Variants in METTL15 observed in about 807,000 individuals in gnomAD.
METTL15 encodes methyltransferase 15, mitochondrial 12S rRNA N4-cytidine, also known as 12S rRNA N(4)-cytidine methyltransferase METTL15.
METTL15 carries 34 observed loss-of-function variants against 38.3 expected under a neutral mutation model. That is an observed-to-expected ratio of 0.89 (90% CI 0.68 to 1.18). METTL15 has a LOEUF of 1.18. Ranked by LOEUF, METTL15 falls within the 50% of genes most tolerant of loss-of-function variation. METTL15 has a pLI of 0.00. For synonymous variants in METTL15, 162 were observed against 170.9 expected, an observed-to-expected ratio of 0.95 and a Z score of 0.41; for missense variants, 438 against 498.4, an observed-to-expected ratio of 0.88 and a Z score of 1.15.
At chr11:28,294,674 T>C (rs1486394040) in intron 5 of METTL15, among the ~76,000 whole-genome samples, 1 of 152,110 alleles carries the variant, frequency 6.6e-6, no homozygotes, top group Non-Finnish European at 1.5e-5. Flanking sequence ...CAAGATCAAA[T>C]CTATTAGTTG....
chr11:28,376,072 G>T (rs563599104), intron 5 of METTL15, among the ~76,000 whole-genome samples: 2,199 of 152,176 alleles, frequency 0.014, 32 homozygotes, highest in African/African-American at 0.04. Flanking sequence ...TTGCTGAGGA[G>T]TGCTTTACTT....
rs1312144051 is a variant in METTL15, at chr11:28,373,369, T to C, written c.*358+11333T>C. On this transcript the variant is annotated intron_variant and NMD_transcript_variant, in intron 5 of 7. Transcript: ENST00000532947. ...TTTTGATTTGCATTTCTCTGATGGCTAGTGATGGTGAGCATTTTTTCATGT... is the reference window on the plus strand; with the variant it reads ...TTTTGATTTGCATTTCTCTGATGGCCAGTGATGGTGAGCATTTTTTCATGT... 1.2e-3 allele frequency among the ~76,000 whole-genome samples: 177 copies of C among 152,046 alleles called. 1 individual carries two copies. The highest frequency in any genetic ancestry group is 3.4e-3 in the African/African-American group (140 of 41,476).
chr11:28,238,954 A>G (rs957731255), intron 4 of METTL15, among the ~76,000 whole-genome samples: 3 of 152,020 alleles, frequency 2.0e-5, no homozygotes, highest in Non-Finnish European at 2.9e-5. Flanking sequence ...AAATGATTTT[A>G]TTTGGATTTT....
intron 6 of METTL15, among the ~76,000 whole-genome samples, chr11:28,524,404 A>C (rs1851792308): frequency 6.6e-6 from 1 of 152,230 alleles, no homozygotes; most frequent in African/African-American, 2.4e-5. Context: ...ATAGAAAGCA[A>C]ATACCTAAAT....
intron 4 of METTL15, among the ~76,000 whole-genome samples, chr11:28,216,044 ACAGAT>A (rs966567693): frequency 2.6e-5 from 4 of 152,146 alleles, no homozygotes; most frequent in Admixed American, 2.6e-4. Context: ...GGAAGGATAG[ACAGAT>A]CAGAAAGAAT....
intron 4 of METTL15, among the ~76,000 whole-genome samples, chr11:28,281,317 A>AT (rs1302916915): frequency 3.3e-5 from 5 of 152,272 alleles, no homozygotes; most frequent in Middle Eastern, 3.4e-3. Flanking sequence ...TTTCCTGGTC[A>AT]TATCCACCTG....
chr11:28,147,709 T>A (rs1849935093), intron 3 of METTL15, among the ~76,000 whole-genome samples: 1 of 151,812 alleles, frequency 6.6e-6, no homozygotes, highest in Non-Finnish European at 1.5e-5. Context: ...AAATATGTTT[T>A]AAAAACACAG....
chr11:28,528,746 A>G (rs188195804), downstream of METTL15, among the ~76,000 whole-genome samples: 67 of 152,336 alleles, frequency 4.4e-4, no homozygotes, highest in African/African-American at 1.6e-3. Context: ...TGTATCGCAT[A>G]GATACTAAAT....
chr11:28,171,766 C>T (rs1850866107), intron 3 of METTL15, among the ~76,000 whole-genome samples: 1 of 151,452 alleles, frequency 6.6e-6, no homozygotes, highest in African/African-American at 2.4e-5. Context: ...GTTTCCCCTG[C>T]CCGCCGCCTC....
At chr11:28,434,009 T>C (rs551551300) in intron 6 of METTL15, among the ~76,000 whole-genome samples, 6 of 152,206 alleles carry the variant, frequency 3.9e-5, no homozygotes, top group Non-Finnish European at 7.4e-5. Flanking sequence ...AACTGTTCTA[T>C]GATGGTGATC....
chr11:28,238,602 C>T (rs1456383062), intron 4 of METTL15, among the ~76,000 whole-genome samples: 2 of 152,206 alleles, frequency 1.3e-5, no homozygotes, highest in African/African-American at 2.4e-5. Flanking sequence ...GCACAGGGTG[C>T]GCTGCACCCA....
In METTL15 at chr11:28,385,807, G is replaced by A. The variant is rs1050982403; in HGVS notation, c.*358+23771G>A. 2.0e-5 allele frequency among the ~76,000 whole-genome samples: 3 copies of A among 152,022 alleles called. No individual in the cohort carries two copies. The East Asian group carries it at 5.8e-4, about 29-fold the overall frequency. On this transcript the variant is annotated intron_variant and NMD_transcript_variant, in intron 5 of 7. Coordinates refer to the METTL15 transcript ENST00000532947. ...TACATGTTTGTTTTTAATTTTCTGT[G>A]TGTGTGTGTGAGGGGATAGGGAATG...
chr11:28,286,036 G>A (rs1180073256), intron 4 of METTL15, among the ~76,000 whole-genome samples: 2 of 151,974 alleles, frequency 1.3e-5, no homozygotes, highest in Non-Finnish European at 2.9e-5. Flanking sequence ...TCAATAAGAA[G>A]TAGATAAATA....
intron 6 of METTL15, among the ~76,000 whole-genome samples, chr11:28,440,475 G>T (rs1851024918): frequency 6.6e-6 from 1 of 152,096 alleles, no homozygotes; most frequent in Admixed American, 6.6e-5. Flanking sequence ...AAAGATTCTG[G>T]ATTCAGACTG....
intron 4 of METTL15, among the ~76,000 whole-genome samples, chr11:28,278,307 A>G (rs1818722641): frequency 6.6e-6 from 1 of 152,216 alleles, no homozygotes; most frequent in South Asian, 2.1e-4. Flanking sequence ...TTTGAACATC[A>G]TGTAAAAAGA....
chr11:28,172,152 T>C (rs530507501), intron 3 of METTL15, among the ~76,000 whole-genome samples: 5 of 152,106 alleles, frequency 3.3e-5, no homozygotes, highest in Non-Finnish European at 7.4e-5. Flanking sequence ...ATATTTCTGA[T>C]TCAGGAATAT....
intron 6 of METTL15, among the ~76,000 whole-genome samples, chr11:28,480,579 T>C (rs1205320944): frequency 6.6e-6 from 1 of 152,212 alleles, no homozygotes; most frequent in Non-Finnish European, 1.5e-5. Flanking sequence ...GCTGACTACT[T>C]CAAGTTGCCC....
chr11:28,409,157 C>T (rs1049238128), intron 5 of METTL15, among the ~76,000 whole-genome samples: 11 of 151,832 alleles, frequency 7.2e-5, no homozygotes, highest in East Asian at 1.9e-4. Context: ...CTGAGGTGGG[C>T]GGATCACGAG....
chr11:28,366,825 G>A (rs1404413799), intron 5 of METTL15, among the ~76,000 whole-genome samples: 1 of 152,094 alleles, frequency 6.6e-6, no homozygotes, highest in East Asian at 1.9e-4. Context: ...AAATGCCCCA[G>A]CCATCATTCC....
Sources: allele counts gnomAD v4.1 joint callset (sites outside exome capture counted in the v4.1 genomes callset), GRCh38; gene constraint gnomAD v4.1.1; transcripts MANE v1.5; gene names NCBI Gene and HGNC (gene_info 2026-07-23, HGNC 2026-07-21).